Variants in CNTNAP2 observed in about 807,000 individuals in gnomAD.
The protein encoded by CNTNAP2 is contactin-associated protein-like 2.
Under a neutral mutation model 155.2 loss-of-function variants are expected in CNTNAP2, and 98 were observed. That is an observed-to-expected ratio of 0.63 (90% CI 0.54 to 0.75). The LOEUF is 0.75. Ranked by LOEUF, CNTNAP2 falls within the 30% of genes least tolerant of loss-of-function variation. CNTNAP2 has a pLI of 0.00. For synonymous variants in CNTNAP2, 651 were observed against 631.2 expected, an observed-to-expected ratio of 1.03 and a Z score of -0.47; for missense variants, 1,727 against 1,688.1, an observed-to-expected ratio of 1.02 and a Z score of -0.40.
rs570602028 is a variant in CNTNAP2, at chr7:146,372,407, CACTT to C, written c.97+255435_97+255438del. Among the ~76,000 whole-genome samples the C allele has an allele frequency of 7.6e-3, 1,162 of 152,154 alleles. 12 individuals are homozygous for C. The highest frequency in any genetic ancestry group is 0.024 in the South Asian group (117 of 4,816). ...ACCAAAAAGAGATAGACAGATAAAACACTTGAACCATTTCATACAAAATTTCTCT... is the reference window on the plus strand; with the variant it reads ...ACCAAAAAGAGATAGACAGATAAAACGAACCATTTCATACAAAATTTCTCT... On this transcript the variant is annotated intron_variant, in intron 1 of 23. Transcript: ENST00000361727.
At chr7:146,824,759 G>A (rs538097184) in intron 2 of CNTNAP2, among the ~76,000 whole-genome samples, 3 of 151,994 alleles carry the variant, frequency 2.0e-5, no homozygotes, top group South Asian at 4.1e-4. Flanking sequence ...ATTCTATTTT[G>A]GGGAATTAAA....
chr7:146,960,089 A>G (rs552897448), intron 3 of CNTNAP2, among the ~76,000 whole-genome samples: 1 of 152,206 alleles, frequency 6.6e-6, no homozygotes, highest in East Asian at 1.9e-4. Context: ...TGCAGGCCAC[A>G]CCTTACTCCT....
At chr7:148,347,629 G>A (rs1563052522) in intron 21 of CNTNAP2, among the ~76,000 whole-genome samples, 1 of 152,130 alleles carries the variant, frequency 6.6e-6, no homozygotes, top group Non-Finnish European at 1.5e-5. Context: ...AGTGAATATA[G>A]AGTTAAATAA....
At chr7:147,545,794 A>G (rs1799718626) in intron 11 of CNTNAP2, among the ~76,000 whole-genome samples, 1 of 152,168 alleles carries the variant, frequency 6.6e-6, no homozygotes, top group African/African-American at 2.4e-5. Flanking sequence ...CCCCACCCAA[A>G]TCTCACCTTA....
At chr7:147,246,212 G>T (rs1024451765) in intron 8 of CNTNAP2, among the ~76,000 whole-genome samples, 3 of 151,896 alleles carry the variant, frequency 2.0e-5, no homozygotes, top group Non-Finnish European at 2.9e-5. Context: ...GCACGTTGGA[G>T]GCCCAGGGAA....
intron 1 of CNTNAP2, among the ~76,000 whole-genome samples, chr7:146,166,411 A>G (rs560416386): frequency 5.3e-5 from 8 of 152,090 alleles, no homozygotes; most frequent in Non-Finnish European, 1.0e-4. Context: ...CCCATTTTTA[A>G]TCAATCCATT....
At chr7:146,204,266 G>C (rs572456135) in intron 1 of CNTNAP2, among the ~76,000 whole-genome samples, 151 of 152,182 alleles carry the variant, frequency 9.9e-4, no homozygotes, top group African/African-American at 3.3e-3. Context: ...TTAGTTAATA[G>C]ATCTTTTAAT....
intron 21 of CNTNAP2, among the ~76,000 whole-genome samples, chr7:148,281,126 G>A (rs897947072): frequency 1.3e-5 from 2 of 152,134 alleles, no homozygotes. Flanking sequence ...ACTTTCCTGC[G>A]CTAGCCAGTA....
intron 1 of CNTNAP2, among the ~76,000 whole-genome samples, chr7:146,194,550 G>A (rs1386012075): frequency 6.6e-6 from 1 of 152,124 alleles, no homozygotes; most frequent in Non-Finnish European, 1.5e-5. Flanking sequence ...TGGGAATTAT[G>A]GGAGCTACAA....
At chr7:146,194,716 A>G (rs1798752715) in intron 1 of CNTNAP2, among the ~76,000 whole-genome samples, 2 of 152,220 alleles carry the variant, frequency 1.3e-5, no homozygotes, top group Admixed American at 6.5e-5. Flanking sequence ...TAACAAAGTT[A>G]TTTTATGCTG....
chr7:147,071,392 C>T (rs368611119), intron 4 of CNTNAP2, among the ~76,000 whole-genome samples: 1 of 151,792 alleles, frequency 6.6e-6, no homozygotes, highest in African/African-American at 2.4e-5. Context: ...AGGACTGCCC[C>T]GTGCATCTTT....
intron 9 of CNTNAP2, among the ~76,000 whole-genome samples, chr7:147,345,758 G>A (rs1364065304): frequency 6.6e-6 from 1 of 152,008 alleles, no homozygotes; most frequent in Non-Finnish European, 1.5e-5. Context: ...TTACTATAGA[G>A]GAACTATATT....
intron 11 of CNTNAP2, among the ~76,000 whole-genome samples, chr7:147,556,977 G>A (rs890190650): frequency 5.3e-5 from 8 of 152,168 alleles, no homozygotes; most frequent in African/African-American, 1.9e-4. Context: ...GCTGGGCACA[G>A]TGGCTCACAC....
intron 9 of CNTNAP2, among the ~76,000 whole-genome samples, chr7:147,366,388 C>A (rs1220017394): frequency 6.6e-6 from 1 of 152,008 alleles, no homozygotes; most frequent in African/African-American, 2.4e-5. Context: ...TTTTAGTAGA[C>A]TGTAATTTTT....
At chr7:146,723,032 A>C (rs1019722589) in intron 1 of CNTNAP2, among the ~76,000 whole-genome samples, 1 of 152,084 alleles carries the variant, frequency 6.6e-6, no homozygotes, top group Admixed American at 6.6e-5. Context: ...TTTTCTTAAT[A>C]AACATATATG....
At chr7:148,018,038 A>T (rs1314901848) in intron 15 of CNTNAP2, among the ~76,000 whole-genome samples, 1 of 152,238 alleles carries the variant, frequency 6.6e-6, no homozygotes, top group Non-Finnish European at 1.5e-5. Context: ...AGGGAAAAGC[A>T]TTCACAGATG....
chr7:148,054,781 C>G (rs1802977105), intron 15 of CNTNAP2, among the ~76,000 whole-genome samples: 1 of 152,000 alleles, frequency 6.6e-6, no homozygotes, highest in Non-Finnish European at 1.5e-5. Flanking sequence ...GTAAAACTCT[C>G]AAGTAATGCG....
At chr7:147,862,008 A>G (rs1799143293) in intron 13 of CNTNAP2, among the ~76,000 whole-genome samples, 1 of 150,974 alleles carries the variant, frequency 6.6e-6, no homozygotes, top group Admixed American at 6.6e-5. Flanking sequence ...ACAAAAAAAA[A>G]AAAAAAAAAA....
chr7:148,181,789 G>T (rs1005856032), intron 18 of CNTNAP2, among the ~76,000 whole-genome samples: 1 of 108,224 alleles, frequency 9.2e-6, no homozygotes, highest in Non-Finnish European at 1.7e-5. Flanking sequence ...ACGGAGTCTC[G>T]CACTGTCACC....
Sources: allele counts gnomAD v4.1 joint callset (sites outside exome capture counted in the v4.1 genomes callset), GRCh38; gene constraint gnomAD v4.1.1; transcripts MANE v1.5; gene names NCBI Gene and HGNC (gene_info 2026-07-23, HGNC 2026-07-21).